Variants in ARHGEF6 observed in about 807,000 individuals in gnomAD.
The protein encoded by ARHGEF6 is rho guanine nucleotide exchange factor 6.
In ARHGEF6, 9 loss-of-function variants were observed where a neutral mutation model predicts 70.3. The observed-to-expected ratio is 0.13, with a 90% CI of 0.08 to 0.22. The LOEUF (loss-of-function observed/expected upper bound fraction) is 0.22, where lower values mean the gene tolerates loss of function less well. ARHGEF6 is among the 10% of genes least tolerant of loss of function. ARHGEF6 has a pLI of 1.00. For missense variants in ARHGEF6, 470 were observed against 563.0 expected, an observed-to-expected ratio of 0.83 and a Z score of 1.67; for synonymous variants, 201 against 207.8, an observed-to-expected ratio of 0.97 and a Z score of 0.28.
At chrX:136,754,159 G>A (rs898274668) in intron 2 of ARHGEF6, among the ~76,000 whole-genome samples, 3 of 111,872 alleles carry the variant, frequency 2.7e-5, no homozygotes, top group African/African-American at 9.8e-5. Context: ...CACTCCTATA[G>A]GGGAGAACCC....
intron 6 of ARHGEF6, among the ~76,000 whole-genome samples, chrX:136,724,574 T>C (rs1209613687): frequency 8.9e-6 from 1 of 111,874 alleles, no homozygotes; most frequent in African/African-American, 3.3e-5. Flanking sequence ...CACTGCAGCA[T>C]TGGCCTCCCA....
chrX:136,780,566 A>G, intron 1 of ARHGEF6, 152 bp downstream of exon 1: 1 of 595,480 alleles, frequency 1.7e-6, no homozygotes, highest in Non-Finnish European at 2.7e-6. Context: ...ACATTTTCAA[A>G]CTACAAAAAC....
chrX:136,687,807 A>G, intron 11 of ARHGEF6, 125 bp downstream of exon 11: 1 of 622,684 alleles, frequency 1.6e-6, no homozygotes, highest in Non-Finnish European at 2.7e-6. Context: ...TCACTGCTAT[A>G]CTGTCATGAA....
intron 5 of ARHGEF6, among the ~76,000 whole-genome samples, chrX:136,734,735 G>A (rs1005552898): frequency 4.5e-5 from 5 of 111,204 alleles, no homozygotes; most frequent in Middle Eastern, 4.6e-3. Flanking sequence ...GAATATAGAT[G>A]CAAAAAAATT....
At chrX:136,719,091 A>G (rs2076769511) in intron 6 of ARHGEF6, among the ~76,000 whole-genome samples, 1 of 108,546 alleles carries the variant, frequency 9.2e-6, no homozygotes, top group Non-Finnish European at 1.9e-5. Flanking sequence ...AGACTTCAAT[A>G]CCCCTCTATC....
intron 2 of ARHGEF6, among the ~76,000 whole-genome samples, chrX:136,773,402 T>C (rs1217260010): frequency 8.9e-6 from 1 of 112,117 alleles, no homozygotes; most frequent in Non-Finnish European, 1.9e-5. Context: ...TTTAAGTCTG[T>C]CTTCCAGCTA....
rs768304391 is a variant in ARHGEF6, at chrX:136,721,406, C to A, written c.733-8036G>T. Among the ~76,000 whole-genome samples, 38 of 110,560 alleles carry A rather than the reference C, an allele frequency of 3.4e-4. No individual in the cohort carries two copies. In the Admixed American group the frequency reaches 3.7e-3, roughly 11 times the overall value. On this transcript the variant is annotated intron_variant, in intron 6 of 21. Transcript: ENST00000250617. The stretch of plus-strand genomic sequence containing the variant: ...GGTGAGACCCTGTCTCTACAAAAAA[C>A]TAAAAAATTAGCCAGGTGTGGTGGT...
intron 6 of ARHGEF6, among the ~76,000 whole-genome samples, chrX:136,718,125 A>G (rs2076756216): frequency 9.0e-6 from 1 of 111,490 alleles, no homozygotes; most frequent in Admixed American, 9.5e-5. Flanking sequence ...AAGAAATTCA[A>G]TTTAAATATA....
At chrX:136,678,127 T>C (rs2076298244) in intron 16 of ARHGEF6, among the ~76,000 whole-genome samples, 171 bp from the exon 17 acceptor site, 1 of 111,880 alleles carries the variant, frequency 8.9e-6, no homozygotes. Context: ...TGCAATATTA[T>C]CATGCAAAAG....
intron 10 of ARHGEF6, among the ~76,000 whole-genome samples, chrX:136,688,943 T>C (rs777828533): frequency 9.0e-6 from 1 of 111,296 alleles, no homozygotes; most frequent in Non-Finnish European, 1.9e-5. Context: ...TATGGGTAGA[T>C]GTGCACCTAA....
intron 6 of ARHGEF6, among the ~76,000 whole-genome samples, chrX:136,717,762 C>T (rs1436642379): frequency 2.7e-5 from 3 of 111,070 alleles, no homozygotes; most frequent in East Asian, 2.8e-4. Context: ...CTTGCACTAC[C>T]TGCGAATATA....
chrX:136,752,763 C>A (rs182582709), intron 2 of ARHGEF6, among the ~76,000 whole-genome samples: 217 of 112,494 alleles, frequency 1.9e-3, no homozygotes, highest in African/African-American at 6.8e-3. Context: ...GCTTATATTT[C>A]AAGCCTGTTT....
intron 5 of ARHGEF6, among the ~76,000 whole-genome samples, chrX:136,735,531 T>A (rs2076977048): frequency 9.0e-6 from 1 of 110,696 alleles, no homozygotes; most frequent in South Asian, 3.8e-4. Context: ...ACATTTTAGG[T>A]GGTGTTCTAA....
At chrX:136,733,447 C>T (rs2076955799) in intron 5 of ARHGEF6, among the ~76,000 whole-genome samples, 1 of 110,950 alleles carries the variant, frequency 9.0e-6, no homozygotes, top group African/African-American at 3.3e-5. Context: ...TAGAGCTAAC[C>T]ATCATCATTT....
chrX:136,776,882 A>G (rs934450118), intron 2 of ARHGEF6, among the ~76,000 whole-genome samples: 13 of 81,383 alleles, frequency 1.6e-4, no homozygotes, highest in African/African-American at 7.8e-4. Context: ...TAAATAGATA[A>G]ATAAATAAAT....
intron 6 of ARHGEF6, 100 bp downstream of exon 6, chrX:136,732,002 C>A: frequency 1.6e-6 from 1 of 639,810 alleles, no homozygotes; most frequent in Admixed American, 3.0e-5. Context: ...CAACTTTATT[C>A]AGTCTTTCCT....
At chrX:136,729,936 CAT>C (rs927487921) in intron 6 of ARHGEF6, among the ~76,000 whole-genome samples, 7 of 108,583 alleles carry the variant, frequency 6.4e-5, no homozygotes, top group Admixed American at 9.9e-5. Flanking sequence ...CATATATATG[CAT>C]ATATATATAT....
chrX:136,763,646 GA>G (rs1457930509), intron 2 of ARHGEF6, among the ~76,000 whole-genome samples: 1 of 111,415 alleles, frequency 9.0e-6, no homozygotes, highest in African/African-American at 3.3e-5. Context: ...CCAATATGGT[GA>G]AACCCCATCT....
chrX:136,774,733 A>C (rs1233537435), intron 2 of ARHGEF6, among the ~76,000 whole-genome samples: 2 of 107,931 alleles, frequency 1.9e-5, no homozygotes, highest in African/African-American at 3.4e-5. Flanking sequence ...AAGAGTCTGG[A>C]CCATAATAGA....
Sources: allele counts gnomAD v4.1 joint callset (sites outside exome capture counted in the v4.1 genomes callset), GRCh38; gene constraint gnomAD v4.1.1; transcripts MANE v1.5; gene names NCBI Gene and HGNC (gene_info 2026-07-23, HGNC 2026-07-21).